Variants in LTBP2 observed in about 807,000 individuals in gnomAD.
LTBP2 encodes the protein latent-transforming growth factor beta-binding protein 2.
Under a neutral mutation model 210.6 loss-of-function variants are expected in LTBP2, and 103 were observed. That is an observed-to-expected ratio of 0.49 (90% CI 0.42 to 0.58). The LOEUF (loss-of-function observed/expected upper bound fraction) is 0.58. Among genes scored for constraint, LTBP2 ranks in the 20% least tolerant of loss-of-function variants. The pLI is 0.00. For missense variants in LTBP2, 2,313 were observed against 2,494.5 expected (o/e 0.93, Z 1.55); for synonymous variants, 1,007 against 1,015.0 (o/e 0.99, Z 0.15).
intron 8 of LTBP2, among the ~76,000 whole-genome samples, chr14:74,536,814 C>G (rs2087427534): frequency 6.6e-6 from 1 of 152,162 alleles, no homozygotes; most frequent in Non-Finnish European, 1.5e-5. Context: ...CCACTGCACT[C>G]CAGCCTGAGT....
intron 28 of LTBP2, 130 bp downstream of exon 28, chr14:74,505,918 C>T: frequency 1.5e-6 from 2 of 1,308,658 alleles, no homozygotes; most frequent in Non-Finnish European, 2.2e-6. Context: ...CCCGCCTGCA[C>T]CTCCCTATGC....
intron 2 of LTBP2, among the ~76,000 whole-genome samples, chr14:74,587,156 C>A (rs1238310482): frequency 6.6e-6 from 1 of 152,196 alleles, no homozygotes; most frequent in Non-Finnish European, 1.5e-5. Context: ...CCACCAGGAC[C>A]TCCACTGGGG....
chr14:74,568,311 T>A (rs2884641), intron 3 of LTBP2, among the ~76,000 whole-genome samples: 78,481 of 151,766 alleles, frequency 0.52, 20,837 homozygotes, highest in Non-Finnish European at 0.56. Context: ...AGAGCAGAGA[T>A]GGAGGAGAGG....
Position 74,551,082 on chromosome 14 carries a change from C to T in LTBP2, c.1668G>A (p.Leu556=), listed in dbSNP as rs776426393. The T allele has an allele frequency of 1.9e-6, 3 of 1,613,652 alleles. No homozygotes were observed. The highest frequency in any genetic ancestry group is 2.7e-5 in the African/African-American group (2 of 74,940). ...RPRGLLGRCY[L]NTVNGQCANP... The stretch of plus-strand genomic sequence containing the variant: ...TTCTCACCTGTCCGTTCACAGTGTT[C>T]AGGTAACACCGGCCCAGCAGTCCTC... The change falls in exon 7 of 36, where the codon CTG becomes CTA. Residue 556 remains leucine, a synonymous_variant. Coordinates refer to ENST00000261978, the MANE Select transcript of LTBP2 (RefSeq NM_000428.3).
At chr14:74,599,374 A>G (rs2088413848) in intron 2 of LTBP2, among the ~76,000 whole-genome samples, 1 of 152,224 alleles carries the variant, frequency 6.6e-6, no homozygotes, top group Non-Finnish European at 1.5e-5. Context: ...GGCTGAGATA[A>G]AATGAGAAGT....
At chr14:74,569,259 A>G (rs2087943353) in intron 3 of LTBP2, among the ~76,000 whole-genome samples, 1 of 152,128 alleles carries the variant, frequency 6.6e-6, no homozygotes, top group South Asian at 2.1e-4. Flanking sequence ...GACTCAGAGA[A>G]CATCCCTCTT....
chr14:74,526,873 A>C (rs1407630705), intron 13 of LTBP2, among the ~76,000 whole-genome samples: 1 of 152,062 alleles, frequency 6.6e-6, no homozygotes, highest in Admixed American at 6.5e-5. Flanking sequence ...AGTTGGATGC[A>C]CCTTTCTCCG....
At chr14:74,603,032 T>A (rs1337558667) in intron 2 of LTBP2, among the ~76,000 whole-genome samples, 6 of 152,158 alleles carry the variant, frequency 3.9e-5, no homozygotes, top group African/African-American at 1.4e-4. Flanking sequence ...GCCGGCAGTG[T>A]GAGTGGGGCC....
intron 3 of LTBP2, among the ~76,000 whole-genome samples, chr14:74,577,930 G>A (rs1465434641): frequency 2.6e-5 from 4 of 152,082 alleles, no homozygotes; most frequent in Non-Finnish European, 4.4e-5. Context: ...CTTCTGGCAC[G>A]TCACAGCTGA....
rs566830468 is a variant in LTBP2 at position 74,540,333 on chromosome 14, C to T, written c.1790-4333G>A. 8.8e-4 allele frequency among the ~76,000 whole-genome samples: 133 copies of T among 151,828 alleles called. 2 individuals are homozygous for T. Among genetic ancestry groups the T allele is most frequent in the African/African-American group, 3.1e-3 (129 of 41,400 alleles). ...ACCAAAAATACAAAAAGTCAGCGGG[C>T]GTGGTGGCATGAGCCTGTGGTCCTC... is the stretch of plus-strand genomic sequence containing the variant. On this transcript the variant is annotated intron_variant, in intron 8 of 35. Coordinates refer to ENST00000261978, the MANE Select transcript of LTBP2 (RefSeq NM_000428.3).
intron 3 of LTBP2, among the ~76,000 whole-genome samples, chr14:74,579,752 G>A (rs1258687465): frequency 6.6e-6 from 1 of 152,226 alleles, no homozygotes; most frequent in East Asian, 1.9e-4. Context: ...GACAGGTGCT[G>A]GAAATACCAG....
At chr14:74,575,806 AAGCATG>A (rs2088050323) in intron 3 of LTBP2, among the ~76,000 whole-genome samples, 1 of 152,206 alleles carries the variant, frequency 6.6e-6, no homozygotes, top group South Asian at 2.1e-4. Flanking sequence ...TCTCCTCAAA[AAGCATG>A]AGCAGGGCTT....
At chr14:74,565,724 G>A (rs2087893868) in intron 3 of LTBP2, among the ~76,000 whole-genome samples, 1 of 152,158 alleles carries the variant, frequency 6.6e-6, no homozygotes, top group African/African-American at 2.4e-5. Flanking sequence ...TAAGAGTAGA[G>A]GTGGTAGCTG....
rs764828666 is a variant in LTBP2 at position 74,505,106 on chromosome 14, C to A, written c.4246G>T (p.Gly1416Trp). The A allele has an allele frequency of 6.2e-7, 1 of 1,613,870 alleles. No individual in the cohort carries two copies. The part of the protein sequence containing the change: ...PAPTRMDCYS[G>W]QKGHAPCSSV... ...GAGCAGGGCGCATGGCCCTTCTGCCCGGAGTAGCAGTCCATGCGGGTGGGG... is the reference window on the plus strand; with the variant it reads ...GAGCAGGGCGCATGGCCCTTCTGCCAGGAGTAGCAGTCCATGCGGGTGGGG... The change falls in exon 29 of 36, where the codon GGG becomes TGG. Residue 1416 changes from glycine to tryptophan, a missense_variant. By Grantham distance (184) the Gly-to-Trp change is radical. Around this residue, in one of 3 missense-constraint regions of LTBP2, gnomAD observed 1,867 missense variants for 1,976.9 expected, o/e 0.94. Transcript: ENST00000261978.
At chr14:74,549,631 G>A (rs1308909083) in intron 8 of LTBP2, among the ~76,000 whole-genome samples, 6 of 152,234 alleles carry the variant, frequency 3.9e-5, no homozygotes, top group African/African-American at 7.2e-5. Context: ...GAGAGAGCAG[G>A]CCCTTGCAGG....
intron 18 of LTBP2, among the ~76,000 whole-genome samples, chr14:74,512,559 C>T (rs2087085023): frequency 6.6e-6 from 1 of 152,158 alleles, no homozygotes; most frequent in African/African-American, 2.4e-5. Flanking sequence ...AAAGTGAGTC[C>T]TCTCTGAGGT....
At chr14:74,546,006 A>G (rs777550600) in intron 8 of LTBP2, among the ~76,000 whole-genome samples, 30 of 152,186 alleles carry the variant, frequency 2.0e-4, no homozygotes, top group Non-Finnish European at 3.5e-4. Flanking sequence ...GTCCTTTTCC[A>G]TGTCAGGAAT....
intron 3 of LTBP2, among the ~76,000 whole-genome samples, chr14:74,570,999 A>G (rs2087968217): frequency 6.6e-6 from 1 of 151,974 alleles, no homozygotes; most frequent in Non-Finnish European, 1.5e-5. Flanking sequence ...ACAAATGTAC[A>G]GAACCATGAA....
intron 3 of LTBP2, among the ~76,000 whole-genome samples, chr14:74,581,093 G>A (rs1042545419): frequency 2.0e-5 from 3 of 152,232 alleles, no homozygotes; most frequent in Non-Finnish European, 4.4e-5. Context: ...CACGGGCTGT[G>A]AGTGGTGAGG....
Sources: gnomAD v4.1 joint callset for allele counts (sites outside exome capture counted in the v4.1 genomes callset) on GRCh38, gnomAD v4.1.1 for gene constraint, gnomAD v4.1.1 regional missense constraint, MANE v1.5 for transcripts, NCBI Gene and HGNC (gene_info 2026-07-23, HGNC 2026-07-21) for gene names.